The following ADGRB3 variants were observed in gnomAD, a reference collection of about 807,000 sequenced individuals.
ADGRB3 encodes brain-specific angiogenesis inhibitor 3.
A neutral mutation model predicts 193.4 loss-of-function variants in ADGRB3; 37 were observed. The ratio of observed to expected loss-of-function variants is 0.19; its 90% CI spans 0.15 to 0.25. The LOEUF is 0.25. Ranked by LOEUF, ADGRB3 falls within the 10% of genes least tolerant of loss-of-function variation. The pLI is 1.00. For missense variants in ADGRB3, 1,637 were observed against 1,852.9 expected (o/e 0.88, Z 2.14); for synonymous variants, 690 against 644.2 (o/e 1.07, Z -1.08).
At chr6:68,867,113 C>T (rs887033232) in intron 3 of ADGRB3, among the ~76,000 whole-genome samples, 1 of 152,170 alleles carries the variant, frequency 6.6e-6, no homozygotes, top group African/African-American at 2.4e-5. Flanking sequence ...AAAATGTCTC[C>T]AGGGCATTTC....
At chr6:69,128,640 C>T (rs976227844) in intron 17 of ADGRB3, among the ~76,000 whole-genome samples, 4 of 152,128 alleles carry the variant, frequency 2.6e-5, no homozygotes, top group Non-Finnish European at 5.9e-5. Context: ...TTAGTACTTT[C>T]TCAACGAGCC....
intron 3 of ADGRB3, among the ~76,000 whole-genome samples, chr6:68,687,652 A>G (rs1219489579): frequency 6.6e-6 from 1 of 152,188 alleles, no homozygotes; most frequent in Admixed American, 6.6e-5. Flanking sequence ...TCATTCATTC[A>G]TGAATAATCA....
chr6:68,940,762 C>T (rs979470979), intron 5 of ADGRB3, among the ~76,000 whole-genome samples: 2 of 151,846 alleles, frequency 1.3e-5, no homozygotes, highest in African/African-American at 2.4e-5. Flanking sequence ...CGTGGTGCCG[C>T]GCGCCTGTAA....
At chr6:68,824,583 T>C (rs1767808159) in intron 3 of ADGRB3, among the ~76,000 whole-genome samples, 1 of 148,270 alleles carries the variant, frequency 6.7e-6, no homozygotes, top group Non-Finnish European at 1.5e-5. Context: ...ATATATGTAA[T>C]ACATATGTAT....
intron 3 of ADGRB3, among the ~76,000 whole-genome samples, chr6:68,706,352 G>A (rs953184081): frequency 6.6e-6 from 1 of 152,210 alleles, no homozygotes; most frequent in Non-Finnish European, 1.5e-5. Context: ...TGCCATAAAA[G>A]ATATGGTGAT....
intron 20 of ADGRB3, among the ~76,000 whole-genome samples, chr6:69,283,602 T>C (rs1767485512): frequency 6.6e-6 from 1 of 152,034 alleles, no homozygotes; most frequent in Non-Finnish European, 1.5e-5. Context: ...CCTCAGTTTT[T>C]TCCTCTCATG....
At chr6:69,298,970 A>G (rs1328345687) in intron 20 of ADGRB3, among the ~76,000 whole-genome samples, 1 of 151,946 alleles carries the variant, frequency 6.6e-6, no homozygotes, top group African/African-American at 2.4e-5. Context: ...TGTTCTCCAC[A>G]GTGGCTGCAC....
chr6:69,093,093 T>G (rs1772762802), intron 17 of ADGRB3, among the ~76,000 whole-genome samples: 2 of 149,420 alleles, frequency 1.3e-5, no homozygotes, highest in South Asian at 4.3e-4. Flanking sequence ...ATAGCCTTGG[T>G]TCAAGGAAGA....
chr6:68,832,309 C>T (rs973454963), intron 3 of ADGRB3, among the ~76,000 whole-genome samples: 2 of 151,952 alleles, frequency 1.3e-5, no homozygotes, highest in African/African-American at 4.8e-5. Context: ...GTTGATTTGT[C>T]TCTGTTTATT....
chr6:69,239,841 TC>T (rs1018328566), intron 20 of ADGRB3, among the ~76,000 whole-genome samples: 5 of 151,938 alleles, frequency 3.3e-5, no homozygotes, highest in African/African-American at 7.2e-5. Flanking sequence ...CCATGTTTTT[TC>T]CCCCAGAAAT....
chr6:69,001,923 C>G (rs966780841), intron 11 of ADGRB3, among the ~76,000 whole-genome samples: 1 of 152,180 alleles, frequency 6.6e-6, no homozygotes, highest in Non-Finnish European at 1.5e-5. Flanking sequence ...TTACCTCACT[C>G]TGTGTAATAA....
chr6:68,976,002 C>T (rs1768736568), intron 10 of ADGRB3, among the ~76,000 whole-genome samples: 1 of 152,178 alleles, frequency 6.6e-6, no homozygotes, highest in South Asian at 2.1e-4. Flanking sequence ...TCATTTCATC[C>T]TGACAGTCAA....
chr6:69,021,935 T>C (rs1257212049), intron 13 of ADGRB3, among the ~76,000 whole-genome samples: 3 of 151,874 alleles, frequency 2.0e-5, no homozygotes, highest in African/African-American at 7.2e-5. Context: ...ATCTTTTTCT[T>C]AAAAGATTTA....
chr6:69,170,733 G>A (rs1221111226), intron 17 of ADGRB3, among the ~76,000 whole-genome samples: 1 of 152,146 alleles, frequency 6.6e-6, no homozygotes, highest in Non-Finnish European at 1.5e-5. Flanking sequence ...TCATTGTAAA[G>A]GAATCATAGT....
chr6:68,904,119 GAGGGAGGAAGGAAGGAAGGAAGGGTGAA>G (rs1766480046), intron 3 of ADGRB3, among the ~76,000 whole-genome samples: 1 of 69,662 alleles, frequency 1.4e-5, no homozygotes, highest in Non-Finnish European at 3.7e-5. Flanking sequence ...GGAAGGGAGG[GAGGGAGGAAGGAAGGAAGGAAGGGTGAA>G]AGGGAGGTAT....
intron 4 of ADGRB3, among the ~76,000 whole-genome samples, chr6:68,931,241 TA>T (rs1767329789): frequency 6.6e-6 from 1 of 151,988 alleles, no homozygotes; most frequent in African/African-American, 2.4e-5. Context: ...AATACCAACC[TA>T]AACTGACTTT....
intron 17 of ADGRB3, among the ~76,000 whole-genome samples, chr6:69,094,562 T>C (rs911833448): frequency 6.6e-6 from 1 of 152,216 alleles, no homozygotes; most frequent in Non-Finnish European, 1.5e-5. Flanking sequence ...ATTATTCAGC[T>C]GCTGTTGAAA....
intron 10 of ADGRB3, among the ~76,000 whole-genome samples, chr6:68,985,385 A>G (rs1200546644): frequency 6.6e-6 from 1 of 152,192 alleles, no homozygotes; most frequent in African/African-American, 2.4e-5. Flanking sequence ...TGATGAATCA[A>G]TCCATTGGCA....
intron 20 of ADGRB3, among the ~76,000 whole-genome samples, chr6:69,267,555 G>A (rs79917972): frequency 0.033 from 4,891 of 150,476 alleles, 232 homozygotes; most frequent in African/African-American, 0.11. Flanking sequence ...AGTAATATTA[G>A]CAGGCAATCC....
Sources: allele counts gnomAD v4.1 joint callset (sites outside exome capture counted in the v4.1 genomes callset), GRCh38; gene constraint gnomAD v4.1.1; transcripts MANE v1.5; gene names NCBI Gene and HGNC (gene_info 2026-07-23, HGNC 2026-07-21).